DRC3: variants seen among roughly 807,000 people sequenced by gnomAD.
DRC3 encodes the protein dynein regulatory complex subunit 3.
A neutral mutation model predicts 57.6 loss-of-function variants in DRC3; 45 were observed. The ratio of observed to expected loss-of-function variants is 0.78; its 90% CI spans 0.62 to 1.00. The LOEUF (loss-of-function observed/expected upper bound fraction) is 1.00. Ranked by LOEUF, DRC3 falls within the 50% of genes least tolerant of loss-of-function variation. The probability of loss-of-function intolerance (pLI) is 0.00; values close to 1 mark genes in which losing one functional copy is unlikely to be tolerated. For missense variants in DRC3, 655 were observed against 675.2 expected (o/e 0.97, Z 0.33); for synonymous variants, 257 against 272.3 (o/e 0.94, Z 0.55).
chr17:17,992,268 C>T (rs2043267290), intron 5 of DRC3, among the ~76,000 whole-genome samples: 2 of 152,048 alleles, frequency 1.3e-5, no homozygotes, highest in African/African-American at 4.8e-5. Context: ...GAGCAAGACT[C>T]CATCTCAAAA....
chr17:17,978,025 G>A, intron 3 of DRC3: 1 of 342,388 alleles, frequency 2.9e-6, no homozygotes, highest in Non-Finnish European at 5.3e-6. Context: ...CCAAATCTAA[G>A]TGAGCCCCCA....
chr17:17,985,045 T>G (rs1042948800), intron 4 of DRC3, among the ~76,000 whole-genome samples: 3 of 152,110 alleles, frequency 2.0e-5, no homozygotes, highest in African/African-American at 7.2e-5. Flanking sequence ...GTTTCTCATT[T>G]CTCTGCACTC....
At chr17:17,997,183 T>C (rs1368386138) in intron 8 of DRC3, among the ~76,000 whole-genome samples, 4 of 152,182 alleles carry the variant, frequency 2.6e-5, no homozygotes, top group Non-Finnish European at 4.4e-5. Flanking sequence ...GACTCCGCAA[T>C]GGTTTCTGCC....
At chr17:18,000,623 A>G (rs1011062527) in intron 9 of DRC3, among the ~76,000 whole-genome samples, 1 of 152,086 alleles carries the variant, frequency 6.6e-6, no homozygotes, top group African/African-American at 2.4e-5. Context: ...CTAGAAGTGG[A>G]ACTGTGCATT....
intron 5 of DRC3, among the ~76,000 whole-genome samples, chr17:17,990,911 A>T (rs1020588429): frequency 1.3e-5 from 2 of 152,176 alleles, no homozygotes; most frequent in African/African-American, 2.4e-5. Flanking sequence ...GAATCGCTTG[A>T]ACCTGGGAGG....
At position 17,977,738 on chromosome 17, in the gene DRC3, C is replaced by CAAAGT. The variant is rs1168569505; in HGVS notation, c.140_141insAAAGT (p.Leu48LysfsTer13). The CAAAGT allele has an allele frequency of 6.2e-7, 1 of 1,608,166 alleles. No homozygotes were observed. Among genetic ancestry groups the CAAAGT allele is most frequent in the Non-Finnish European group, 8.5e-7 (1 of 1,176,740 alleles). On this transcript the variant is annotated frameshift_variant, in exon 3 of 14. Transcript: ENST00000399187. LOFTEE classifies it high-confidence loss of function. ...GGCATCCTCTTCAAGGATGTCCTGT[C>CAAAGT]CCTGCAGCTGGACTTTCGGAGTATG... is the stretch of plus-strand genomic sequence containing the variant.
intron 2 of DRC3, among the ~76,000 whole-genome samples, chr17:17,974,574 G>A (rs1260771064): frequency 1.3e-5 from 2 of 152,114 alleles, no homozygotes; most frequent in Non-Finnish European, 2.9e-5. Flanking sequence ...GTGCTTTCCA[G>A]GGATTCTAGG....
chr17:17,973,057 C>T (rs1022086401), intron 1 of DRC3, 83 bp downstream of exon 1: 1 of 151,970 alleles, frequency 6.6e-6, no homozygotes, highest in Non-Finnish European at 1.5e-5. Context: ...ACCTTTTTCT[C>T]GGAGAACGCC....
chr17:17,997,568 G>A lies in DRC3; in HGVS notation c.933G>A (p.Glu311=), dbSNP rs759068096. ...ELDTFSECVR[E]AIQENQEQGK... Reference sequence around the variant, plus strand: ...ACACCTTCAGTGAATGTGTCCGTGAGGCCATCCAGGAAAACCAGGAGCAGG... The same window carrying A: ...ACACCTTCAGTGAATGTGTCCGTGAAGCCATCCAGGAAAACCAGGAGCAGG... Residue 311 remains glutamate (E), a synonymous_variant, in exon 9 of 14, where the codon GAG becomes GAA. Coordinates refer to ENST00000399187, the MANE Select transcript of DRC3 (RefSeq NM_031294.4). 1.1e-5 allele frequency: 17 copies of A among 1,610,298 alleles called. No individual in the cohort carries two copies. The highest frequency in any genetic ancestry group is 6.7e-5 in the East Asian group (3 of 44,578).
intron 9 of DRC3, among the ~76,000 whole-genome samples, chr17:18,003,621 TTC>T (rs2043831218): frequency 6.7e-6 from 1 of 149,976 alleles, no homozygotes; most frequent in Non-Finnish European, 1.5e-5. Flanking sequence ...TCTTTGCATT[TTC>T]TGTTTTTAAG....
At chr17:17,993,951 G>A in intron 6 of DRC3, 3 of 276,464 alleles carry the variant, frequency 1.1e-5, no homozygotes, top group East Asian at 1.0e-4. Context: ...TGTTGGGAGT[G>A]AGAGAGCAAG....
intron 9 of DRC3, 111 bp downstream of exon 9, chr17:17,997,745 G>C: frequency 2.0e-6 from 2 of 1,022,526 alleles, no homozygotes; most frequent in South Asian, 3.7e-5. Flanking sequence ...GATGACCCCT[G>C]AGGCCAATGG....
chr17:17,977,939 G>C, intron 3 of DRC3, 181 bp downstream of exon 3: 3 of 549,198 alleles, frequency 5.5e-6, no homozygotes, highest in South Asian at 2.6e-5. Context: ...GTCATACTTA[G>C]TGTCTTCATC....
chr17:17,992,918 G>A lies in DRC3; in HGVS notation c.591+7G>A. 6.2e-7 allele frequency: 1 copy of A among 1,613,820 alleles called. No individual in the cohort carries two copies. The highest frequency in any genetic ancestry group is 8.5e-7 in the Non-Finnish European group (1 of 1,179,800). On this transcript the variant is annotated splice_region_variant and intron_variant, in intron 6 of 13. Transcript: ENST00000399187. ...GCGCATTGATGACCACACAGCAAGTGTCTCCCTCTCAGTCTCCCAGCCCTG... is the reference window on the plus strand; with the variant it reads ...GCGCATTGATGACCACACAGCAAGTATCTCCCTCTCAGTCTCCCAGCCCTG...
chr17:17,983,978 C>A (rs938632859), intron 4 of DRC3, 34 bp downstream of exon 4: 2 of 1,353,044 alleles, frequency 1.5e-6, no homozygotes, highest in African/African-American at 1.4e-5. Flanking sequence ...CCACCCTAAT[C>A]GAAGGTGACA....
In DRC3 at chr17:18,004,383, G is replaced by A; in HGVS notation, c.1020G>A (p.Glu340=). Residue 340 remains glutamate (E), a synonymous_variant, in exon 10 of 14, where the codon GAG becomes GAA. Transcript: ENST00000399187. ...KHLSSLSAIR[E]ELELPNIEKM... is the part of the protein sequence containing the mutation. ...TCTAGAGTTTAAGTGCCATTCGAGA[G>A]GAGTTGGAACTGCCCAACATTGAGA... The A allele has an allele frequency of 6.2e-7, 1 of 1,605,808 alleles. No individual in the cohort carries two copies. The highest frequency in any genetic ancestry group is 8.5e-7 in the Non-Finnish European group (1 of 1,175,802).
At chr17:17,998,724 TCA>T (rs2145369225) in intron 9 of DRC3, among the ~76,000 whole-genome samples, 1 of 152,286 alleles carries the variant, frequency 6.6e-6, no homozygotes, top group South Asian at 2.1e-4. Flanking sequence ...CTCCAGGGCC[TCA>T]CATGTTGTGC....
chr17:18,007,936 T>TC, intron 12 of DRC3: 1 of 846,166 alleles, frequency 1.2e-6, no homozygotes, highest in Non-Finnish European at 1.4e-6. Flanking sequence ...CAGTCCGTCC[T>TC]CCATGTGGCA....
At chr17:17,986,709 C>A (rs561186606) in intron 4 of DRC3, among the ~76,000 whole-genome samples, 3 of 152,096 alleles carry the variant, frequency 2.0e-5, no homozygotes, top group Non-Finnish European at 4.4e-5. Context: ...AGTGATCCCC[C>A]CGCCTCGGCC....
Sources: allele counts gnomAD v4.1 joint callset (sites outside exome capture counted in the v4.1 genomes callset), GRCh38; gene constraint gnomAD v4.1.1; transcripts MANE v1.5; gene names NCBI Gene and HGNC (gene_info 2026-07-23, HGNC 2026-07-21).